The following THSD7B variants were observed in gnomAD, a reference collection of about 807,000 sequenced individuals.
The protein encoded by THSD7B is thrombospondin type 1 domain containing 7B, also known as thrombospondin type-1 domain-containing protein 7B.
THSD7B carries 138 observed loss-of-function variants against 213.6 expected under a neutral mutation model. The observed-to-expected ratio is 0.65, with a 90% CI of 0.56 to 0.74. THSD7B has a LOEUF of 0.74. Among genes scored for constraint, THSD7B ranks in the 30% least tolerant of loss-of-function variants. The pLI, the probability that THSD7B is intolerant of heterozygous loss-of-function variation, is 0.00. For missense variants in THSD7B, 1,931 were observed against 1,991.5 expected (o/e 0.97, Z 0.58); for synonymous variants, 742 against 687.0 (o/e 1.08, Z -1.25).
intron 14 of THSD7B, among the ~76,000 whole-genome samples, chr2:137,447,194 TATC>T (rs1440166870): frequency 6.6e-6 from 1 of 152,074 alleles, no homozygotes; most frequent in Non-Finnish European, 1.5e-5. Flanking sequence ...GTTTACTTCT[TATC>T]ATAGGGAAAG....
intron 12 of THSD7B, among the ~76,000 whole-genome samples, chr2:137,405,167 G>T (rs185890874): frequency 1.3e-3 from 196 of 145,498 alleles, no homozygotes; most frequent in African/African-American, 4.3e-3. Flanking sequence ...TGACTGTATA[G>T]GTCTACTTCT....
intron 19 of THSD7B, among the ~76,000 whole-genome samples, chr2:137,619,736 T>C (rs1682480036): frequency 6.6e-6 from 1 of 152,198 alleles, no homozygotes. Context: ...CCAATAAATA[T>C]GTAAAAAATA....
At chr2:136,968,399 G>A (rs181333304) in intron 2 of THSD7B, among the ~76,000 whole-genome samples, 36 of 152,102 alleles carry the variant, frequency 2.4e-4, no homozygotes, top group African/African-American at 6.7e-4. Context: ...GTTTACTGGC[G>A]TTTTGGATTT....
intron 15 of THSD7B, among the ~76,000 whole-genome samples, chr2:137,517,052 C>T (rs1680083940): frequency 6.6e-6 from 1 of 152,198 alleles, no homozygotes; most frequent in South Asian, 2.1e-4. Context: ...GGTTTAATTG[C>T]TTGAGCAAAT....
chr2:137,006,310 G>A (rs1331349358), intron 2 of THSD7B, among the ~76,000 whole-genome samples: 1 of 152,158 alleles, frequency 6.6e-6, no homozygotes, highest in Non-Finnish European at 1.5e-5. Flanking sequence ...CAGGAGAATG[G>A]CATGAACCCG....
At chr2:136,984,675 A>G (rs1685641386) in intron 2 of THSD7B, among the ~76,000 whole-genome samples, 1 of 152,236 alleles carries the variant, frequency 6.6e-6, no homozygotes, top group Admixed American at 6.5e-5. Flanking sequence ...ATTAGTACCA[A>G]GAATGGGGTG....
chr2:137,127,249 A>G (rs115574483), intron 5 of THSD7B, among the ~76,000 whole-genome samples: 4,730 of 152,200 alleles, frequency 0.031, 112 homozygotes, highest in Admixed American at 0.058. Context: ...GTATGCCCGT[A>G]TTTAATATCT....
At chr2:137,484,141 G>A (rs1688371583) in intron 15 of THSD7B, among the ~76,000 whole-genome samples, 5 of 149,822 alleles carry the variant, frequency 3.3e-5, no homozygotes, top group African/African-American at 7.5e-5. Context: ...TTTAGCATTA[G>A]GTATATCTCC....
At chr2:137,342,200 G>A (rs1684777610) in intron 12 of THSD7B, among the ~76,000 whole-genome samples, 1 of 151,176 alleles carries the variant, frequency 6.6e-6, no homozygotes, top group Non-Finnish European at 1.5e-5. Context: ...TAGCTTTTTA[G>A]TGTACCGTTC....
At chr2:136,933,093 T>C (rs1368161407) in intron 2 of THSD7B, among the ~76,000 whole-genome samples, 1 of 145,288 alleles carries the variant, frequency 6.9e-6, no homozygotes, top group Non-Finnish European at 1.5e-5. Context: ...TTGTAGATTA[T>C]ATATTTTGCC....
At chr2:137,313,249 T>C (rs1683969858) in intron 12 of THSD7B, among the ~76,000 whole-genome samples, 1 of 152,140 alleles carries the variant, frequency 6.6e-6, no homozygotes, top group African/African-American at 2.4e-5. Context: ...TTGATCCCTT[T>C]ACTATTATGT....
chr2:137,138,819 C>T (rs1314892866), intron 5 of THSD7B, among the ~76,000 whole-genome samples: 1 of 152,106 alleles, frequency 6.6e-6, no homozygotes, highest in Non-Finnish European at 1.5e-5. Flanking sequence ...ATTTCCTTTT[C>T]AATATCAAAT....
chr2:137,195,437 C>G (rs1680741668), intron 7 of THSD7B, among the ~76,000 whole-genome samples: 1 of 151,964 alleles, frequency 6.6e-6, no homozygotes, highest in Admixed American at 6.6e-5. Flanking sequence ...TAGCTGATTC[C>G]TGGTGCGAAT....
chr2:137,073,244 T>G (rs1687538946), intron 3 of THSD7B, among the ~76,000 whole-genome samples: 2 of 152,182 alleles, frequency 1.3e-5, no homozygotes, highest in Admixed American at 6.5e-5. Flanking sequence ...TGGACTTTTT[T>G]TGGTTGGCAA....
At chr2:137,283,769 A>C (rs1214480732) in intron 12 of THSD7B, among the ~76,000 whole-genome samples, 1 of 152,120 alleles carries the variant, frequency 6.6e-6, no homozygotes, top group East Asian at 1.9e-4. Flanking sequence ...ATGGTGGATA[A>C]GCTTTTTGAT....
chr2:137,563,339 A>G lies in THSD7B; in HGVS notation c.3257A>G (p.Gln1086Arg). The G allele has an allele frequency of 6.2e-7, 1 of 1,613,094 alleles. No individual in the cohort carries two copies. The highest frequency in any genetic ancestry group is 8.5e-7 in the Non-Finnish European group (1 of 1,179,462). ...TCCCTGCGCTGTGGAGGAGGAACAC[A>G]ATCTAGGAAAATCAGGTGTGTGAAA... is the stretch of plus-strand genomic sequence containing the variant. ...LRSLRCGGGTQSRKIRCVNTA... is the reference protein window; with the variant it reads ...LRSLRCGGGTRSRKIRCVNTA... Residue 1086 changes from glutamine (Q) to arginine (R), a missense_variant, in exon 16 of 28, where the codon CAA (glutamine) becomes CGA (arginine). Physicochemically the swap from Gln to Arg is conservative, Grantham distance 43. Coordinates refer to ENST00000409968, the MANE Select transcript of THSD7B (RefSeq NM_001316349.2).
At chr2:136,843,088 A>ATTT (rs58411751) in intron 1 of THSD7B, among the ~76,000 whole-genome samples, 1 of 128,510 alleles carries the variant, frequency 7.8e-6, no homozygotes, top group Non-Finnish European at 1.7e-5. Flanking sequence ...GAGTGGTTTC[A>ATTT]TTTTTTTTTT....
intron 3 of THSD7B, among the ~76,000 whole-genome samples, chr2:137,087,685 T>G (rs1276280937): frequency 6.6e-6 from 1 of 152,216 alleles, no homozygotes; most frequent in Non-Finnish European, 1.5e-5. Flanking sequence ...CCCATGCTTA[T>G]GGATGGGTAG....
chr2:137,572,262 G>A (rs1681368989), intron 16 of THSD7B, 144 bp from the exon 17 acceptor site: 1 of 902,976 alleles, frequency 1.1e-6, no homozygotes, highest in South Asian at 1.7e-5. Flanking sequence ...CTGACTAAAG[G>A]AGGAAAGTTT....
Sources: allele counts gnomAD v4.1 joint callset (sites outside exome capture counted in the v4.1 genomes callset), GRCh38; gene constraint gnomAD v4.1.1; transcripts MANE v1.5; gene names NCBI Gene and HGNC (gene_info 2026-07-23, HGNC 2026-07-21).